The following LRP1B variants were observed in gnomAD, a reference collection of about 807,000 sequenced individuals.
LRP1B encodes the protein LDL receptor related protein 1B, also known as low-density lipoprotein receptor-related protein 1B.
Under a neutral mutation model 556.6 loss-of-function variants are expected in LRP1B, and 217 were observed. The observed-to-expected ratio is 0.39, with a 90% confidence interval of 0.35 to 0.44. LRP1B has a LOEUF of 0.44. LRP1B is among the 20% of genes least tolerant of loss of function. The probability of loss-of-function intolerance (pLI) is 1.00; values close to 1 mark genes in which losing one functional copy is unlikely to be tolerated. For synonymous variants in LRP1B, 2,047 were observed against 1,865.8 expected (o/e 1.10, Z -2.50); for missense variants, 5,053 against 5,620.8 (o/e 0.90, Z 3.23).
At chr2:140,357,291 G>T (rs944338388) in intron 74 of LRP1B, among the ~76,000 whole-genome samples, 1 of 151,486 alleles carries the variant, frequency 6.6e-6, no homozygotes, top group Non-Finnish European at 1.5e-5. Flanking sequence ...TAGGTCAGTG[G>T]AATGATACCA....
intron 84 of LRP1B, among the ~76,000 whole-genome samples, chr2:140,275,180 TTTC>T (rs769512033): frequency 1.7e-4 from 26 of 152,114 alleles, no homozygotes; most frequent in Admixed American, 1.1e-3. Flanking sequence ...GGCACAAATG[TTTC>T]TTATGATTAG....
chr2:141,535,201 C>A (rs369268946), intron 2 of LRP1B, among the ~76,000 whole-genome samples: 1 of 152,236 alleles, frequency 6.6e-6, no homozygotes, highest in East Asian at 1.9e-4. Context: ...GAGCAGACCT[C>A]TCTGTGACCT....
At chr2:140,311,607 C>A (rs1269480291) in intron 83 of LRP1B, among the ~76,000 whole-genome samples, 1 of 151,790 alleles carries the variant, frequency 6.6e-6, no homozygotes, top group Admixed American at 6.6e-5. Flanking sequence ...ACAGTCCAGA[C>A]TTCACCACTA....
At chr2:141,793,379 T>C (rs1457581913) in intron 2 of LRP1B, among the ~76,000 whole-genome samples, 1 of 151,936 alleles carries the variant, frequency 6.6e-6, no homozygotes, top group African/African-American at 2.4e-5. Flanking sequence ...CTTAAACACA[T>C]TGAACACTTT....
At chr2:142,103,701 GATGACCCAATGATTTTTCATGA>G (rs879316036) in intron 1 of LRP1B, among the ~76,000 whole-genome samples, 137 of 152,108 alleles carry the variant, frequency 9.0e-4, no homozygotes, top group Non-Finnish European at 1.8e-3. Flanking sequence ...TCTTGTAAAA[GATGACCCAATGATTTTTCATGA>G]ATTAAATATA....
chr2:140,665,440 T>A (rs1685234576), intron 41 of LRP1B, among the ~76,000 whole-genome samples: 1 of 152,176 alleles, frequency 6.6e-6, no homozygotes, highest in African/African-American at 2.4e-5. Flanking sequence ...ACAACCATAA[T>A]ATTTGTAACT....
intron 1 of LRP1B, among the ~76,000 whole-genome samples, chr2:141,962,059 G>A (rs1004040915): frequency 1.3e-5 from 2 of 151,678 alleles, no homozygotes; most frequent in Admixed American, 1.3e-4. Flanking sequence ...TTAGAAGCAG[G>A]TAAAAAGAAA....
chr2:140,918,803 T>G (rs1433872700), intron 21 of LRP1B, among the ~76,000 whole-genome samples: 1 of 151,900 alleles, frequency 6.6e-6, no homozygotes, highest in Non-Finnish European at 1.5e-5. Flanking sequence ...CCAGGAAGAG[T>G]GCCTCAGACA....
intron 15 of LRP1B, among the ~76,000 whole-genome samples, chr2:140,999,214 G>T (rs1055004066): frequency 6.6e-6 from 1 of 151,996 alleles, no homozygotes; most frequent in Admixed American, 6.6e-5. Flanking sequence ...ATATTTGAAA[G>T]GAAGCTAGGC....
intron 1 of LRP1B, among the ~76,000 whole-genome samples, chr2:142,043,533 T>G (rs1704136672): frequency 6.6e-6 from 1 of 151,682 alleles, no homozygotes; most frequent in South Asian, 2.1e-4. Context: ...ATTTTGGATG[T>G]CAGCTGAACA....
chr2:142,069,942 C>A (rs1348304074), intron 1 of LRP1B, among the ~76,000 whole-genome samples: 1 of 151,682 alleles, frequency 6.6e-6, no homozygotes, highest in Non-Finnish European at 1.5e-5. Context: ...TGACTGTTTG[C>A]TGAACACAAA....
At chr2:140,238,841 G>A (rs188260589) in intron 88 of LRP1B, among the ~76,000 whole-genome samples, 116 of 150,518 alleles carry the variant, frequency 7.7e-4, no homozygotes, top group South Asian at 6.9e-3. Context: ...TTCATTTCCC[G>A]CCCTTCTAAA....
At chr2:141,844,877 T>C (rs1697591811) in intron 1 of LRP1B, among the ~76,000 whole-genome samples, 1 of 151,962 alleles carries the variant, frequency 6.6e-6, no homozygotes, top group Non-Finnish European at 1.5e-5. Flanking sequence ...GCATTTGAGA[T>C]GCTATGATTA....
intron 53 of LRP1B, among the ~76,000 whole-genome samples, chr2:140,504,942 A>G (rs13000705): frequency 6.6e-6 from 1 of 152,224 alleles, no homozygotes. Flanking sequence ...TGTGACTGTA[A>G]CATTTCATTC....
At chr2:140,355,765 AG>A (rs1334369722) in intron 75 of LRP1B, among the ~76,000 whole-genome samples, 1 of 152,010 alleles carries the variant, frequency 6.6e-6, no homozygotes, top group East Asian at 1.9e-4. Context: ...TTCTATAGTT[AG>A]AACACTGATG....
intron 3 of LRP1B, among the ~76,000 whole-genome samples, chr2:141,336,802 T>C (rs766420410): frequency 3.9e-5 from 6 of 152,204 alleles, no homozygotes; most frequent in Non-Finnish European, 8.8e-5. Context: ...ACAGAAAGTA[T>C]GCAGTATAAA....
At chr2:140,342,848 A>C (rs1355252140) in intron 77 of LRP1B, among the ~76,000 whole-genome samples, 1 of 151,662 alleles carries the variant, frequency 6.6e-6, no homozygotes, top group African/African-American at 2.4e-5. Context: ...AAAAGAAAGA[A>C]TAGAAAATGT....
chr2:141,066,754 C>T (rs1009871448), intron 7 of LRP1B, among the ~76,000 whole-genome samples: 3 of 151,790 alleles, frequency 2.0e-5, no homozygotes, highest in Non-Finnish European at 2.9e-5. Flanking sequence ...AATGACTTAT[C>T]ATTCATTTTA....
chr2:141,418,430 A>ATTTTT (rs1227512681), intron 3 of LRP1B, among the ~76,000 whole-genome samples: 9 of 108,334 alleles, frequency 8.3e-5, no homozygotes, highest in African/African-American at 3.5e-4. Context: ...ACAGAGCACA[A>ATTTTT]TATTTTTTTT....
Sources: allele counts gnomAD v4.1 joint callset (sites outside exome capture counted in the v4.1 genomes callset), GRCh38; gene constraint gnomAD v4.1.1; transcripts MANE v1.5; gene names NCBI Gene and HGNC (gene_info 2026-07-23, HGNC 2026-07-21).